ROBO1: variants seen among roughly 807,000 people sequenced by gnomAD.
The protein encoded by ROBO1 is roundabout guidance receptor 1.
In ROBO1, 149 loss-of-function variants were observed where a neutral mutation model predicts 195.9. The ratio of observed to expected loss-of-function variants is 0.76; its 90% CI spans 0.67 to 0.87. The LOEUF is 0.87. Among genes scored for constraint, ROBO1 ranks in the 40% least tolerant of loss-of-function variants. The pLI is 0.00. For missense variants in ROBO1, 1,933 were observed against 2,068.3 expected, an observed-to-expected ratio of 0.93 and a Z score of 1.27; for synonymous variants, 816 against 733.2, an observed-to-expected ratio of 1.11 and a Z score of -1.82.
In ROBO1 at chr3:79,265,344, GT is replaced by G. The variant is rs1314058829; in HGVS notation, c.89-139806del. On this transcript the variant is annotated intron_variant, in intron 2 of 30. Transcript: ENST00000464233. Reference sequence around the variant, plus strand: ...TTAGGTTAGAGCTTAGCAAATGGTAGTTCCTTATTCATTTATAAATTCTATC... The same window carrying G: ...TTAGGTTAGAGCTTAGCAAATGGTAGTCCTTATTCATTTATAAATTCTATC... Among the ~76,000 whole-genome samples the G allele has an allele frequency of 4.6e-5, 7 of 150,958 alleles. No homozygotes were observed. In the East Asian group the frequency reaches 1.4e-3, roughly 29 times the overall value.
rs537698653 is a variant in ROBO1 at position 79,730,658 on chromosome 3, A to T, written c.-51+37094T>A. On this transcript the variant is annotated intron_variant, in intron 1 of 30. Transcript: ENST00000464233. ...TCATTAGACTTAATATAAAAACATCAGATCTCTAACATCTGGCAGAAACAT... is the reference window on the plus strand; with the variant it reads ...TCATTAGACTTAATATAAAAACATCTGATCTCTAACATCTGGCAGAAACAT... Among the ~76,000 whole-genome samples, 237 of 152,136 alleles carry T rather than the reference A, an allele frequency of 1.6e-3. 1 individual carries two copies. The highest frequency in any genetic ancestry group is 2.9e-3 in the Non-Finnish European group (199 of 67,996).
At chr3:78,746,974 A>T (rs898583062) in intron 4 of ROBO1, 74 bp from the exon 5 acceptor site, 2 of 999,538 alleles carry the variant, frequency 2.0e-6, no homozygotes, top group Admixed American at 3.7e-5. Flanking sequence ...TCAGCAGGAG[A>T]CATTTATTAT....
At chr3:79,252,695 A>C (rs2108913887) in intron 2 of ROBO1, among the ~76,000 whole-genome samples, 1 of 152,236 alleles carries the variant, frequency 6.6e-6, no homozygotes, top group African/African-American at 2.4e-5. Context: ...TATTAAGGTA[A>C]GTGAAAGTCT....
At chr3:78,731,229 A>G (rs1196431541) in intron 5 of ROBO1, among the ~76,000 whole-genome samples, 2 of 152,158 alleles carry the variant, frequency 1.3e-5, no homozygotes, top group Admixed American at 1.3e-4. Context: ...TACAAACGGT[A>G]TTAATTGTAA....
At chr3:78,679,831 C>T (rs1156856004) in intron 10 of ROBO1, among the ~76,000 whole-genome samples, 11 of 152,056 alleles carry the variant, frequency 7.2e-5, no homozygotes, top group Admixed American at 3.3e-4. Context: ...GAAAAAACTA[C>T]TTTAAAGTTC....
intron 3 of ROBO1, among the ~76,000 whole-genome samples, chr3:79,089,507 T>C (rs545207234): frequency 3.4e-4 from 52 of 152,312 alleles, no homozygotes; most frequent in African/African-American, 1.2e-3. Flanking sequence ...ATGAACAATA[T>C]TGTACATTTG....
At chr3:78,725,455 T>C (rs1044087948) in intron 5 of ROBO1, among the ~76,000 whole-genome samples, 6 of 152,192 alleles carry the variant, frequency 3.9e-5, no homozygotes, top group African/African-American at 1.4e-4. Flanking sequence ...ATCAGGAATT[T>C]TCCCTGTAAA....
chr3:78,981,048 A>G (rs1487942921), intron 3 of ROBO1, among the ~76,000 whole-genome samples: 4 of 152,164 alleles, frequency 2.6e-5, no homozygotes, highest in South Asian at 2.1e-4. Context: ...AAGATATGAA[A>G]TAGATATTAC....
intron 4 of ROBO1, among the ~76,000 whole-genome samples, chr3:78,883,012 C>G (rs2036278477): frequency 6.6e-6 from 1 of 151,798 alleles, no homozygotes. Context: ...GGGGTTTCAC[C>G]ATGTTGGCCA....
At chr3:78,711,353 TCC>T (rs1559772782) in intron 8 of ROBO1, among the ~76,000 whole-genome samples, 2,507 of 42,174 alleles carry the variant, frequency 0.059, 153 homozygotes, top group African/African-American at 0.2. Flanking sequence ...CCTTCCTCCT[TCC>T]TTCCTTCCTT....
At chr3:79,119,824 G>T (rs2080082960) in intron 3 of ROBO1, among the ~76,000 whole-genome samples, 1 of 151,558 alleles carries the variant, frequency 6.6e-6, no homozygotes, top group Non-Finnish European at 1.5e-5. Context: ...AGGCTGGAGT[G>T]CAGTGACATG....
At chr3:79,559,480 C>T (rs935323444) in intron 2 of ROBO1, among the ~76,000 whole-genome samples, 7 of 152,194 alleles carry the variant, frequency 4.6e-5, no homozygotes, top group Admixed American at 6.6e-5. Context: ...ATCCTTGCTG[C>T]ACCATGTCTG....
At chr3:78,809,543 A>G (rs1287132096) in intron 4 of ROBO1, among the ~76,000 whole-genome samples, 1 of 152,206 alleles carries the variant, frequency 6.6e-6, no homozygotes, top group Non-Finnish European at 1.5e-5. Context: ...ATGCACAAAT[A>G]TGTTTATTGA....
intron 24 of ROBO1, among the ~76,000 whole-genome samples, chr3:78,632,099 AAT>A (rs1322216701): frequency 2.0e-5 from 3 of 152,164 alleles, no homozygotes; most frequent in African/African-American, 7.2e-5. Context: ...TCCCCTTTCC[AAT>A]ATGTTATATT....
intron 2 of ROBO1, among the ~76,000 whole-genome samples, chr3:79,175,580 G>C (rs186855458): frequency 4.6e-5 from 7 of 152,290 alleles, no homozygotes; most frequent in Non-Finnish European, 5.9e-5. Context: ...AAGCTAAATA[G>C]CGCCTAAGAT....
chr3:79,318,095 G>A (rs1037794186), intron 2 of ROBO1, among the ~76,000 whole-genome samples: 4 of 152,122 alleles, frequency 2.6e-5, no homozygotes, highest in African/African-American at 9.7e-5. Flanking sequence ...TCAGTCTTTT[G>A]CTCTAACCAG....
intron 3 of ROBO1, among the ~76,000 whole-genome samples, chr3:79,065,830 A>G (rs2078994518): frequency 6.6e-6 from 1 of 152,010 alleles, no homozygotes; most frequent in Non-Finnish European, 1.5e-5. Context: ...ATACAAACTA[A>G]AACACAGCAA....
At chr3:79,134,914 G>A (rs1313088790) in intron 2 of ROBO1, among the ~76,000 whole-genome samples, 1 of 128,762 alleles carries the variant, frequency 7.8e-6, no homozygotes, top group Non-Finnish European at 1.6e-5. Context: ...GGGAGGGATA[G>A]CATTGGGAGA....
At chr3:78,725,891 C>T (rs2082149918) in intron 5 of ROBO1, among the ~76,000 whole-genome samples, 1 of 151,640 alleles carries the variant, frequency 6.6e-6, no homozygotes, top group African/African-American at 2.4e-5. Context: ...TCATTTTCTA[C>T]CCTAAAGCAA....
Sources: allele counts gnomAD v4.1 joint callset (sites outside exome capture counted in the v4.1 genomes callset), GRCh38; gene constraint gnomAD v4.1.1; transcripts MANE v1.5; gene names NCBI Gene and HGNC (gene_info 2026-07-23, HGNC 2026-07-21).